The following CTNNA2 variants were observed in gnomAD, a reference collection of about 807,000 sequenced individuals.
CTNNA2 encodes the protein catenin alpha-2.
A neutral mutation model predicts 101.0 loss-of-function variants in CTNNA2; 42 were observed. The ratio of observed to expected loss-of-function variants is 0.42; its 90% CI spans 0.32 to 0.54. CTNNA2 has a LOEUF of 0.54. Among genes scored for constraint, CTNNA2 ranks in the 20% least tolerant of loss-of-function variants. The pLI is 0.14. For missense variants in CTNNA2, 871 were observed against 1,223.1 expected (o/e 0.71, Z 4.29); for synonymous variants, 450 against 456.4 (o/e 0.99, Z 0.18).
At chr2:79,915,290 T>C (rs1340182566) in intron 7 of CTNNA2, among the ~76,000 whole-genome samples, 1 of 119,230 alleles carries the variant, frequency 8.4e-6, no homozygotes, top group Non-Finnish European at 1.7e-5. Flanking sequence ...GAGTGGTATA[T>C]TTACACACAC....
At chr2:79,837,323 C>T (rs1679451542) in intron 3 of CTNNA2, among the ~76,000 whole-genome samples, 1 of 152,312 alleles carries the variant, frequency 6.6e-6, no homozygotes, top group Admixed American at 6.5e-5. Flanking sequence ...CTTCTTTCCA[C>T]ATTTTTCTGC....
At chr2:79,850,964 C>G (rs77086928) in intron 3 of CTNNA2, among the ~76,000 whole-genome samples, 2,824 of 152,284 alleles carry the variant, frequency 0.019, 95 homozygotes, top group African/African-American at 0.063. Context: ...TACACCACCC[C>G]CTTGCTGCTG....
chr2:79,887,688 AAAC>A (rs1683986043), intron 6 of CTNNA2, among the ~76,000 whole-genome samples: 1 of 152,162 alleles, frequency 6.6e-6, no homozygotes, highest in Non-Finnish European at 1.5e-5. Flanking sequence ...AAAAAGAAAA[AAAC>A]AACTTTTTGA....
intron 7 of CTNNA2, chr2:80,304,977 G>T: frequency 1.4e-6 from 1 of 694,402 alleles, no homozygotes; most frequent in Non-Finnish European, 1.8e-6. Context: ...TCCACGACAA[G>T]ATATTTCCAA....
intron 7 of CTNNA2, among the ~76,000 whole-genome samples, chr2:80,194,179 A>T (rs981368733): frequency 6.6e-6 from 1 of 152,192 alleles, no homozygotes; most frequent in Non-Finnish European, 1.5e-5. Flanking sequence ...AGCTGTATTT[A>T]CTACTGTTAA....
At chr2:79,658,815 T>A (rs1263867068) in intron 2 of CTNNA2, among the ~76,000 whole-genome samples, 1 of 152,054 alleles carries the variant, frequency 6.6e-6, no homozygotes, top group Non-Finnish European at 1.5e-5. Flanking sequence ...AGAGGAGCTC[T>A]CTTTAATCAT....
chr2:80,285,105 T>G (rs768004451), intron 7 of CTNNA2, among the ~76,000 whole-genome samples: 16 of 152,158 alleles, frequency 1.1e-4, no homozygotes, highest in Non-Finnish European at 1.0e-4. Context: ...TAGATGTCCG[T>G]CCAGCTGGTC....
At chr2:80,238,389 T>C (rs1203384528) in intron 7 of CTNNA2, among the ~76,000 whole-genome samples, 8 of 152,114 alleles carry the variant, frequency 5.3e-5, no homozygotes, top group African/African-American at 1.9e-4. Context: ...TTAATTGATA[T>C]AAGAAATAAC....
chr2:80,552,013 G>C (rs551353537), intron 11 of CTNNA2, among the ~76,000 whole-genome samples: 1 of 151,902 alleles, frequency 6.6e-6, no homozygotes. Flanking sequence ...ATATTGTTGC[G>C]TCTCAGGGAA....
chr2:80,142,044 G>C (rs1215153395), intron 7 of CTNNA2, among the ~76,000 whole-genome samples: 1 of 152,062 alleles, frequency 6.6e-6, no homozygotes, highest in Non-Finnish European at 1.5e-5. Flanking sequence ...TGAGGGGCCT[G>C]GAGGTCAGAT....
At chr2:79,750,794 C>T (rs567120831) in intron 3 of CTNNA2, among the ~76,000 whole-genome samples, 5 of 151,832 alleles carry the variant, frequency 3.3e-5, no homozygotes, top group Middle Eastern at 3.4e-3. Flanking sequence ...ATCACTTGAA[C>T]CCAGGAGGTG....
At chr2:80,222,168 A>G (rs1183113009) in intron 7 of CTNNA2, among the ~76,000 whole-genome samples, 1 of 152,178 alleles carries the variant, frequency 6.6e-6, no homozygotes, top group African/African-American at 2.4e-5. Context: ...GACAAAAACC[A>G]GGCTAGAAAA....
At chr2:80,272,599 C>T (rs1673587546) in intron 7 of CTNNA2, among the ~76,000 whole-genome samples, 1 of 152,160 alleles carries the variant, frequency 6.6e-6, no homozygotes, top group Non-Finnish European at 1.5e-5. Flanking sequence ...TTTTATGCCC[C>T]TTCTTCATCT....
upstream of CTNNA2, among the ~76,000 whole-genome samples, chr2:79,509,099 TAAAAC>T (rs1449272133): frequency 6.7e-6 from 1 of 150,188 alleles, no homozygotes; most frequent in Non-Finnish European, 1.5e-5. Flanking sequence ...ACAAAAAACT[TAAAAC>T]AAGTTATTTT....
intron 6 of CTNNA2, among the ~76,000 whole-genome samples, chr2:79,878,616 C>A (rs1683195316): frequency 6.6e-6 from 1 of 152,082 alleles, no homozygotes. Flanking sequence ...TGTTTGTTGG[C>A]CATGTAAACA....
At chr2:79,760,427 A>G (rs1052998625) in intron 3 of CTNNA2, among the ~76,000 whole-genome samples, 3 of 152,068 alleles carry the variant, frequency 2.0e-5, no homozygotes, top group Non-Finnish European at 4.4e-5. Context: ...CAAGTCCACC[A>G]TCTATAGGAC....
intron 2 of CTNNA2, among the ~76,000 whole-genome samples, chr2:79,684,830 A>G (rs995694207): frequency 3.5e-4 from 54 of 152,212 alleles, no homozygotes; most frequent in African/African-American, 1.3e-3. Context: ...GATTTGTCCA[A>G]ATTTCCTTTA....
intron 7 of CTNNA2, among the ~76,000 whole-genome samples, chr2:80,143,801 T>C (rs11677322): frequency 0.58 from 88,056 of 151,996 alleles, 25,772 homozygotes; most frequent in Non-Finnish European, 0.61. Context: ...TTTTGCCAAA[T>C]ACTTGAGTGG....
At chr2:80,584,582 G>A (rs1695816508) in intron 14 of CTNNA2, among the ~76,000 whole-genome samples, 1 of 151,968 alleles carries the variant, frequency 6.6e-6, no homozygotes, top group Non-Finnish European at 1.5e-5. Flanking sequence ...AAATAGGTTA[G>A]TGACAATTGC....
Sources: allele counts gnomAD v4.1 joint callset (sites outside exome capture counted in the v4.1 genomes callset), GRCh38; gene constraint gnomAD v4.1.1; transcripts MANE v1.5; gene names NCBI Gene and HGNC (gene_info 2026-07-23, HGNC 2026-07-21).